BMPER: variants seen among roughly 807,000 people sequenced by gnomAD.
BMPER encodes BMP-binding endothelial regulator protein.
Under a neutral mutation model 87.3 loss-of-function variants are expected in BMPER, and 45 were observed. The observed-to-expected ratio is 0.52, with a 90% confidence interval of 0.41 to 0.66. BMPER has a LOEUF of 0.66. Among genes scored for constraint, BMPER ranks in the 30% least tolerant of loss-of-function variants. BMPER has a pLI of 0.00. For synonymous variants in BMPER, 326 were observed against 316.2 expected, an observed-to-expected ratio of 1.03 and a Z score of -0.33; for missense variants, 784 against 867.5, an observed-to-expected ratio of 0.90 and a Z score of 1.21.
In BMPER at chr7:34,015,411, T is replaced by G. The variant is rs554785996; in HGVS notation, c.577-30895T>G. On this transcript the variant is annotated intron_variant, in intron 6 of 14. Transcript: ENST00000649409. ...GTATAAAAGTGAAAACTGTTAAGAT[T>G]GATGTTATCAATGAAGTAAATCTAT... 2.6e-5 allele frequency among the ~76,000 whole-genome samples: 4 copies of G among 152,120 alleles called. No homozygotes were observed. The East Asian group carries it at 7.8e-4, about 30-fold the overall frequency.
At chr7:34,134,387 C>T (rs915778356) in intron 13 of BMPER, among the ~76,000 whole-genome samples, 4 of 152,082 alleles carry the variant, frequency 2.6e-5, no homozygotes, top group African/African-American at 7.2e-5. Flanking sequence ...AGAGGGGGGT[C>T]GTGACCAAGC....
intron 2 of BMPER, among the ~76,000 whole-genome samples, chr7:33,919,048 G>A (rs1275277975): frequency 6.6e-6 from 1 of 152,104 alleles, no homozygotes; most frequent in Non-Finnish European, 1.5e-5. Flanking sequence ...TCCTCCATGG[G>A]TGCACGTGTG....
chr7:33,924,381 C>T (rs62449711), intron 2 of BMPER, among the ~76,000 whole-genome samples: 5 of 152,232 alleles, frequency 3.3e-5, no homozygotes, highest in African/African-American at 4.8e-5. Context: ...TCCTCTCACC[C>T]GGAATCCAGC....
intron 7 of BMPER, among the ~76,000 whole-genome samples, chr7:34,048,956 G>A (rs1788067113): frequency 6.6e-6 from 1 of 152,132 alleles, no homozygotes; most frequent in Non-Finnish European, 1.5e-5. Context: ...TCCCCACACA[G>A]CAAGAAACAG....
chr7:33,919,831 G>T (rs966760470), intron 2 of BMPER, among the ~76,000 whole-genome samples: 4 of 152,164 alleles, frequency 2.6e-5, no homozygotes, highest in African/African-American at 9.7e-5. Context: ...GCAAGCCAGA[G>T]ATATTAACTC....
At chr7:34,020,495 T>C (rs1045552446) in intron 6 of BMPER, among the ~76,000 whole-genome samples, 1 of 151,968 alleles carries the variant, frequency 6.6e-6, no homozygotes, top group Non-Finnish European at 1.5e-5. Context: ...CATGGGATGC[T>C]TGCTGAAATG....
chr7:34,119,327 T>C (rs1430948175), intron 13 of BMPER, among the ~76,000 whole-genome samples: 2 of 152,102 alleles, frequency 1.3e-5, no homozygotes, highest in African/African-American at 4.8e-5. Flanking sequence ...ACACCAACAT[T>C]TTTTTTACAT....
At chr7:33,948,608 G>A (rs1784945180) in intron 3 of BMPER, among the ~76,000 whole-genome samples, 1 of 152,190 alleles carries the variant, frequency 6.6e-6, no homozygotes, top group Admixed American at 6.5e-5. Context: ...TCACGATAGT[G>A]AGTGAGTTCT....
intron 13 of BMPER, among the ~76,000 whole-genome samples, chr7:34,092,379 G>A (rs921003202): frequency 1.3e-5 from 2 of 152,060 alleles, no homozygotes; most frequent in South Asian, 2.1e-4. Flanking sequence ...TGGGCTTGTC[G>A]TCTTCTTATG....
chr7:33,907,181 T>C (rs961451555), intron 2 of BMPER, among the ~76,000 whole-genome samples: 1 of 152,164 alleles, frequency 6.6e-6, no homozygotes, highest in Non-Finnish European at 1.5e-5. Context: ...AATGACAGTT[T>C]GTAATGTCTG....
chr7:33,940,798 T>C (rs553379555), intron 3 of BMPER, among the ~76,000 whole-genome samples: 32 of 148,384 alleles, frequency 2.2e-4, no homozygotes, highest in Admixed American at 1.3e-3. Context: ...TGTCTAGGCA[T>C]GATTGTCTCA....
At chr7:34,074,474 C>T (rs568743517) in intron 11 of BMPER, among the ~76,000 whole-genome samples, 1 of 152,242 alleles carries the variant, frequency 6.6e-6, no homozygotes, top group Non-Finnish European at 1.5e-5. Flanking sequence ...AGGGCCTAGA[C>T]AAACAGCCTT....
At chr7:33,940,186 T>A (rs920902928) in intron 3 of BMPER, among the ~76,000 whole-genome samples, 1 of 152,186 alleles carries the variant, frequency 6.6e-6, no homozygotes, top group African/African-American at 2.4e-5. Flanking sequence ...TGTAAAAGTG[T>A]TTACAGGGTT....
Position 33,944,491 on chromosome 7 carries a change from ATAT to A in BMPER, c.319+7108_319+7110del, listed in dbSNP as rs1784836903. On this transcript the variant is annotated intron_variant, in intron 3 of 14. Transcript: ENST00000649409. ...CTAAGAATGATTTTCTCAATGGGAA[ATAT>A]TATTGTTATCATAATCATAAAACAT... Among the ~76,000 whole-genome samples the A allele has an allele frequency of 2.6e-5, 4 of 152,210 alleles. No homozygotes were observed. The South Asian group carries it at 8.3e-4, about 32-fold the overall frequency.
At chr7:34,132,190 C>T (rs910938822) in intron 13 of BMPER, among the ~76,000 whole-genome samples, 1 of 152,082 alleles carries the variant, frequency 6.6e-6, no homozygotes, top group East Asian at 1.9e-4. Context: ...CCTCTAGGGC[C>T]CAGACATGAG....
intron 11 of BMPER, among the ~76,000 whole-genome samples, chr7:34,065,247 T>TCTCTCTCC (rs1349826938): frequency 8.3e-5 from 12 of 144,528 alleles, no homozygotes; most frequent in African/African-American, 3.1e-4. Flanking sequence ...TCTCTCTCTC[T>TCTCTCTCC]CCCTCTCTCT....
chr7:34,121,473 T>C (rs1402176791), intron 13 of BMPER, among the ~76,000 whole-genome samples: 1 of 152,234 alleles, frequency 6.6e-6, no homozygotes, highest in Non-Finnish European at 1.5e-5. Context: ...TTTATTTAAC[T>C]TAAAAAGTGA....
chr7:34,106,842 C>T (rs182780569), intron 13 of BMPER, among the ~76,000 whole-genome samples: 1 of 152,328 alleles, frequency 6.6e-6, no homozygotes, highest in Non-Finnish European at 1.5e-5. Context: ...GTATAATGTC[C>T]TCTGTTGTGC....
At chr7:33,942,205 A>C (rs1325454431) in intron 3 of BMPER, among the ~76,000 whole-genome samples, 1 of 152,048 alleles carries the variant, frequency 6.6e-6, no homozygotes, top group African/African-American at 2.4e-5. Context: ...GTGTTTCTCA[A>C]AATGTAACGG....
Sources: allele counts gnomAD v4.1 joint callset (sites outside exome capture counted in the v4.1 genomes callset), GRCh38; gene constraint gnomAD v4.1.1; transcripts MANE v1.5; gene names NCBI Gene and HGNC (gene_info 2026-07-23, HGNC 2026-07-21).